The following TEC variants were observed in gnomAD, a reference collection of about 807,000 sequenced individuals.
The protein encoded by TEC is tec protein tyrosine kinase.
A neutral mutation model predicts 93.0 loss-of-function variants in TEC; 72 were observed. The ratio of observed to expected loss-of-function variants is 0.77; its 90% CI spans 0.64 to 0.94. The LOEUF (loss-of-function observed/expected upper bound fraction) is 0.94, where lower values mean the gene tolerates loss of function less well. TEC is among the 40% of genes least tolerant of loss of function. The pLI, the probability that TEC is intolerant of heterozygous loss-of-function variation, is 0.00. For synonymous variants in TEC, 249 were observed against 247.7 expected (o/e 1.01, Z -0.05); for missense variants, 630 against 757.9 (o/e 0.83, Z 1.98).
intron 2 of TEC, among the ~76,000 whole-genome samples, chr4:48,215,732 T>C (rs1352077440): frequency 2.6e-5 from 4 of 152,196 alleles, no homozygotes; most frequent in Non-Finnish European, 2.9e-5. Context: ...GGAGTCTGAA[T>C]AGTCACTAGA....
chr4:48,254,917 G>A (rs112072760), intron 1 of TEC, among the ~76,000 whole-genome samples: 6 of 151,938 alleles, frequency 3.9e-5, no homozygotes, highest in African/African-American at 1.5e-4. Context: ...ACATGGTGCA[G>A]AGTCTACAGG....
At chr4:48,198,919 A>C (rs572932551) in intron 2 of TEC, among the ~76,000 whole-genome samples, 119 of 152,334 alleles carry the variant, frequency 7.8e-4, no homozygotes, top group African/African-American at 2.8e-3. Flanking sequence ...GATGATAAAG[A>C]AAGTAATGTT....
At chr4:48,137,945 A>G (rs1360798477) in intron 17 of TEC, among the ~76,000 whole-genome samples, 1 of 152,026 alleles carries the variant, frequency 6.6e-6, no homozygotes, top group East Asian at 1.9e-4. Context: ...TCCCTTTAGC[A>G]CCACTTCCTG....
intron 2 of TEC, among the ~76,000 whole-genome samples, chr4:48,202,440 C>A (rs964310882): frequency 1.3e-5 from 2 of 152,024 alleles, no homozygotes; most frequent in Non-Finnish European, 2.9e-5. Flanking sequence ...GTGATGCATG[C>A]CTGTAATCCT....
chr4:48,165,238 A>G (rs1291505102), intron 7 of TEC, among the ~76,000 whole-genome samples: 1 of 152,202 alleles, frequency 6.6e-6, no homozygotes, highest in African/African-American at 2.4e-5. Context: ...ATCCATAATA[A>G]CACTAAAAAT....
chr4:48,220,485 A>G (rs1325283015), intron 2 of TEC, among the ~76,000 whole-genome samples: 1 of 151,940 alleles, frequency 6.6e-6, no homozygotes, highest in African/African-American at 2.4e-5. Context: ...TTGTTTTAAA[A>G]GAGTATGGCA....
chr4:48,260,496 G>T (rs1455699977), intron 1 of TEC, among the ~76,000 whole-genome samples: 1 of 152,198 alleles, frequency 6.6e-6, no homozygotes, highest in African/African-American at 2.4e-5. Flanking sequence ...TGAAGCCAGA[G>T]GCTGAAGCTC....
intron 11 of TEC, 113 bp from the exon 12 acceptor site, chr4:48,146,512 C>G: frequency 2.2e-6 from 2 of 911,076 alleles, no homozygotes; most frequent in Non-Finnish European, 3.5e-6. Flanking sequence ...ACTGCTCATC[C>G]TCTGTGTGTA....
At chr4:48,253,587 T>G (rs1242972145) in intron 1 of TEC, among the ~76,000 whole-genome samples, 1 of 151,364 alleles carries the variant, frequency 6.6e-6, no homozygotes. Context: ...TTTTTTTTTT[T>G]TTGAGACAGA....
At chr4:48,179,380 T>A (rs867100304) in intron 2 of TEC, among the ~76,000 whole-genome samples, 114 of 91,890 alleles carry the variant, frequency 1.2e-3, no homozygotes, top group Middle Eastern at 9.7e-3. Context: ...ATATATATTT[T>A]TTTTTTTTTT....
chr4:48,255,413 C>T (rs965527990), intron 1 of TEC, among the ~76,000 whole-genome samples: 3 of 152,146 alleles, frequency 2.0e-5, no homozygotes, highest in Non-Finnish European at 4.4e-5. Context: ...AGGGACTGCT[C>T]GGATTGGCCA....
intron 2 of TEC, among the ~76,000 whole-genome samples, chr4:48,220,876 A>C (rs975715795): frequency 1.3e-5 from 2 of 152,152 alleles, no homozygotes; most frequent in Admixed American, 1.3e-4. Context: ...GCTCAGAATT[A>C]AGACAGACCC....
intron 12 of TEC, 118 bp from the exon 13 acceptor site, chr4:48,145,697 A>T (rs1337300630): frequency 8.9e-7 from 1 of 1,118,984 alleles, no homozygotes; most frequent in Non-Finnish European, 1.3e-6. Context: ...TAACACTGTA[A>T]TAATTCCTGG....
At position 48,219,262 on chromosome 4, in the gene TEC, C is replaced by A. The variant is rs192062545; in HGVS notation, c.138+9215G>T. Among the ~76,000 whole-genome samples the A allele has an allele frequency of 7.7e-3, 1,169 of 152,278 alleles. 8 individuals carry two copies. Among genetic ancestry groups the A allele is most frequent in the Middle Eastern group, 0.024 (7 of 294 alleles). On this transcript the variant is annotated intron_variant, in intron 2 of 17. Transcript: ENST00000381501. Reference sequence around the variant, plus strand: ...TGCCCGCATAAGGACCGCTTGAGGGCTCCTTGGTCAAGCGGTAACGCCAGT... The same window carrying A: ...TGCCCGCATAAGGACCGCTTGAGGGATCCTTGGTCAAGCGGTAACGCCAGT...
Position 48,145,062 on chromosome 4 carries a change from T to TG in TEC, c.1470+16dup. Reference sequence around the variant, plus strand: ...GGAATTCAGCCAATGAGTGGGAATATGGGTGGCTAGGGTTACCAGATCTCT... The same window carrying TG: ...GGAATTCAGCCAATGAGTGGGAATATGGGGTGGCTAGGGTTACCAGATCTCT... On this transcript the variant is annotated intron_variant, in intron 14 of 17. Coordinates refer to ENST00000381501, the MANE Select transcript of TEC (RefSeq NM_003215.3). 1 of 1,612,300 alleles carries TG rather than the reference T, an allele frequency of 6.2e-7. No individual in the cohort carries two copies. Among genetic ancestry groups the TG allele is most frequent in the South Asian group, 1.1e-5 (1 of 91,026 alleles).
intron 2 of TEC, among the ~76,000 whole-genome samples, chr4:48,180,243 TG>T (rs1371802285): frequency 3.9e-5 from 6 of 152,204 alleles, no homozygotes; most frequent in Non-Finnish European, 8.8e-5. Flanking sequence ...CCAAATATCT[TG>T]TTATGAAACT....
chr4:48,155,036 T>C (rs1577705029), intron 9 of TEC, among the ~76,000 whole-genome samples: 2 of 152,184 alleles, frequency 1.3e-5, no homozygotes, highest in African/African-American at 2.4e-5. Context: ...AACCCCCTAC[T>C]GGGAACCTAA....
At chr4:48,162,956 A>G (rs138421632) in intron 8 of TEC, among the ~76,000 whole-genome samples, 1 of 152,376 alleles carries the variant, frequency 6.6e-6, no homozygotes, top group Non-Finnish European at 1.5e-5. Context: ...GTTCACGTAC[A>G]GCCTGTAGCC....
intron 17 of TEC, among the ~76,000 whole-genome samples, 160 bp downstream of exon 17, chr4:48,138,505 C>T (rs1049221414): frequency 2.0e-5 from 3 of 152,120 alleles, no homozygotes; most frequent in African/African-American, 4.8e-5. Flanking sequence ...TTCTTCTTCC[C>T]GTTATTCAGA....
Sources: allele counts gnomAD v4.1 joint callset (sites outside exome capture counted in the v4.1 genomes callset), GRCh38; gene constraint gnomAD v4.1.1; transcripts MANE v1.5; gene names NCBI Gene and HGNC (gene_info 2026-07-23, HGNC 2026-07-21).